Variants in TRABD2B observed in about 807,000 individuals in gnomAD.
The protein encoded by TRABD2B is TraB domain containing 2B, also known as metalloprotease TIKI2.
TRABD2B carries 14 observed loss-of-function variants against 40.1 expected under a neutral mutation model. That is an observed-to-expected ratio of 0.35 (90% confidence interval 0.23 to 0.55). The LOEUF (loss-of-function observed/expected upper bound fraction) is 0.55, where lower values mean the gene tolerates loss of function less well. TRABD2B is among the 20% of genes least tolerant of loss of function. The pLI is 0.90. For missense variants in TRABD2B, 541 were observed against 648.6 expected, an observed-to-expected ratio of 0.83 and a Z score of 1.80; for synonymous variants, 263 against 277.0, an observed-to-expected ratio of 0.95 and a Z score of 0.50.
intron 2 of TRABD2B, among the ~76,000 whole-genome samples, chr1:47,941,844 C>CA (rs1645193163): frequency 6.6e-6 from 1 of 152,072 alleles, no homozygotes. Flanking sequence ...TCCTCATCTG[C>CA]AAAAAAGGAA....
intron 2 of TRABD2B, among the ~76,000 whole-genome samples, chr1:47,966,351 C>G (rs757196527): frequency 6.6e-6 from 1 of 152,112 alleles, no homozygotes; most frequent in Non-Finnish European, 1.5e-5. Flanking sequence ...TCAGCTGACA[C>G]CAAAGAAAAT....
Position 47,994,093 on chromosome 1 carries a change from C to T in TRABD2B, c.607G>A (p.Ala203Thr). ...QAEKMKKTTGAVEQVEEQCHP... is the reference protein window; with the variant it reads ...QAEKMKKTTGTVEQVEEQCHP... ...CACTGCTCCTCCACCTGCTCCACAGCCCCTGTGGTCTTCTTCATCTTCTCA... is the reference window on the plus strand; with the variant it reads ...CACTGCTCCTCCACCTGCTCCACAGTCCCTGTGGTCTTCTTCATCTTCTCA... The change falls in exon 2 of 7, where the codon GCT becomes ACT. Residue 203 changes from alanine (A) to threonine (T), a missense_variant. This residue lies in a region of TRABD2B where 369 missense variants were observed against 492.8 expected (regional missense o/e 0.75). Transcript: ENST00000606738. This position sits in a 1 kb window ranked among gnomAD's most constrained non-coding sequence, Gnocchi z 6.7. The T allele has an allele frequency of 6.5e-7, 1 of 1,536,284 alleles. No homozygotes were observed.
At chr1:47,844,186 C>T (rs1645436736) in intron 2 of TRABD2B, among the ~76,000 whole-genome samples, 1 of 152,224 alleles carries the variant, frequency 6.6e-6, no homozygotes, top group African/African-American at 2.4e-5. Context: ...GCTGACCACA[C>T]TTTAAAAAGT....
intron 6 of TRABD2B, among the ~76,000 whole-genome samples, chr1:47,769,690 A>G (rs1644353790): frequency 6.6e-6 from 1 of 152,228 alleles, no homozygotes; most frequent in Non-Finnish European, 1.5e-5. Context: ...AAGTGTTCCC[A>G]GGCTCCACAG....
intron 2 of TRABD2B, among the ~76,000 whole-genome samples, chr1:47,809,423 C>G (rs1054947470): frequency 2.6e-5 from 4 of 152,096 alleles, no homozygotes; most frequent in African/African-American, 9.7e-5. Context: ...ACAGGACCCC[C>G]ACCCTGAGCA....
chr1:47,967,731 A>G (rs760548378), intron 2 of TRABD2B, among the ~76,000 whole-genome samples: 1 of 152,230 alleles, frequency 6.6e-6, no homozygotes, highest in Non-Finnish European at 1.5e-5. Flanking sequence ...AGAAAAGGCA[A>G]TACTATATAC....
intron 2 of TRABD2B, among the ~76,000 whole-genome samples, chr1:47,841,776 TTTTC>T (rs1458886927): frequency 3.7e-5 from 5 of 135,614 alleles, no homozygotes; most frequent in African/African-American, 8.1e-5. Flanking sequence ...TCTCCTTTTC[TTTTC>T]TTTTTCTTTT....
At chr1:47,816,577 T>C (rs1482740181) in intron 2 of TRABD2B, among the ~76,000 whole-genome samples, 2 of 152,154 alleles carry the variant, frequency 1.3e-5, no homozygotes, top group East Asian at 3.9e-4. Flanking sequence ...TCTCTCCCCT[T>C]TGCCTCCTTA....
intron 2 of TRABD2B, among the ~76,000 whole-genome samples, chr1:47,975,096 C>T (rs1645737205): frequency 2.0e-5 from 3 of 152,024 alleles, no homozygotes; most frequent in Admixed American, 2.0e-4. Context: ...GGATAAGATC[C>T]TGGATTAAAA....
chr1:47,802,807 T>C (rs1644839948), intron 2 of TRABD2B, among the ~76,000 whole-genome samples: 1 of 152,178 alleles, frequency 6.6e-6, no homozygotes, highest in South Asian at 2.1e-4. Flanking sequence ...TTATCTGTCA[T>C]GGTCCTCTTT....
chr1:47,833,075 C>A (rs1285175048), intron 2 of TRABD2B, among the ~76,000 whole-genome samples: 2 of 152,178 alleles, frequency 1.3e-5, no homozygotes, highest in Non-Finnish European at 2.9e-5. Context: ...GCTTGTAACC[C>A]CTTGAAACTT....
rs111933085 is a variant in TRABD2B at position 47,813,444 on chromosome 1, C to G, written c.667-11825G>C. ...CCTCTCTGTTTGTCTGCTAAGCCAC[C>G]GGTTACCAAGCCTTCAGAGACAAAC... On this transcript the variant is annotated intron_variant, in intron 2 of 6. Transcript: ENST00000606738. The surrounding 1 kb of genome is among the most constrained non-coding windows in gnomAD (Gnocchi z 4.3). Among the ~76,000 whole-genome samples, 1 of 152,124 alleles carries G rather than the reference C, an allele frequency of 6.6e-6. No homozygotes were observed. Among genetic ancestry groups the G allele is most frequent in the Non-Finnish European group, 1.5e-5 (1 of 68,032 alleles).
chr1:47,934,765 C>T (rs1258061754), intron 2 of TRABD2B, among the ~76,000 whole-genome samples: 1 of 152,176 alleles, frequency 6.6e-6, no homozygotes, highest in East Asian at 1.9e-4. Context: ...AGGCCAGACA[C>T]AGGGCTTAGA....
Position 47,904,079 on chromosome 1 carries a change from C to T in TRABD2B, c.666+89955G>A, listed in dbSNP as rs552925643. 1.1e-4 allele frequency among the ~76,000 whole-genome samples: 16 copies of T among 152,262 alleles called. No homozygotes were observed. The East Asian group carries it at 2.9e-3, about 28-fold the overall frequency. ...ATTTCCTCCAAACCTAACTTGAGCA[C>T]AAACTAAAATAAGGCCTGCAGAAGG... On this transcript the variant is annotated intron_variant, in intron 2 of 6. Transcript: ENST00000606738.
At chr1:47,810,282 G>A (rs1644946831) in intron 2 of TRABD2B, among the ~76,000 whole-genome samples, 1 of 152,118 alleles carries the variant, frequency 6.6e-6, no homozygotes, top group African/African-American at 2.4e-5. Flanking sequence ...TCTGCTTGCT[G>A]CAGCCTGAGC....
chr1:47,905,694 CCTT>C (rs1644667363), intron 2 of TRABD2B, among the ~76,000 whole-genome samples: 1 of 152,156 alleles, frequency 6.6e-6, no homozygotes, highest in African/African-American at 2.4e-5. Context: ...CTCTCTGCCT[CCTT>C]CTCTCTCTCT....
intron 2 of TRABD2B, among the ~76,000 whole-genome samples, chr1:47,969,126 A>G (rs548765991): frequency 9.8e-4 from 150 of 152,332 alleles, no homozygotes; most frequent in African/African-American, 3.5e-3. Context: ...TCGTTAACAT[A>G]GGAGCTCTGC....
chr1:47,797,522 T>C (rs1023180776), intron 3 of TRABD2B, among the ~76,000 whole-genome samples: 1 of 152,180 alleles, frequency 6.6e-6, no homozygotes, highest in African/African-American at 2.4e-5. Context: ...AATGTGCATG[T>C]ACACAAAGAT....
chr1:47,935,795 A>G (rs967112455), intron 2 of TRABD2B, among the ~76,000 whole-genome samples: 4 of 152,272 alleles, frequency 2.6e-5, no homozygotes, highest in African/African-American at 9.6e-5. Flanking sequence ...TATCTCTTAT[A>G]TGATATTTCA....
Sources: gnomAD v4.1 joint callset for allele counts (sites outside exome capture counted in the v4.1 genomes callset) on GRCh38, gnomAD v4.1.1 for gene constraint, gnomAD v4.1.1 regional missense constraint, Gnocchi (gnomAD v3.1) non-coding constraint, MANE v1.5 for transcripts, NCBI Gene and HGNC (gene_info 2026-07-23, HGNC 2026-07-21) for gene names.